Variants in PUDP observed in about 807,000 individuals in gnomAD.
PUDP encodes pseudouridine 5'-phosphatase.
A neutral mutation model predicts 9.4 loss-of-function variants in PUDP; 8 were observed. That is an observed-to-expected ratio of 0.85 (90% CI 0.50 to 1.53). The LOEUF is 1.53. Ranked by LOEUF, PUDP falls within the 40% of genes most tolerant of loss-of-function variation. PUDP has a pLI of 0.00. For synonymous variants in PUDP, 99 were observed against 80.7 expected, an observed-to-expected ratio of 1.23 and a Z score of -1.22; for missense variants, 188 against 189.7, an observed-to-expected ratio of 0.99 and a Z score of 0.05.
chrX:6,880,247 C>T (rs770872099), intron 3 of PUDP, among the ~76,000 whole-genome samples: 1 of 110,728 alleles, frequency 9.0e-6, no homozygotes, highest in South Asian at 3.9e-4. Flanking sequence ...TTTTGTCCCT[C>T]ATCCCCCTCC....
chrX:6,982,078 AATG>A (rs922399345), intron 1 of PUDP, among the ~76,000 whole-genome samples: 1 of 104,290 alleles, frequency 9.6e-6, no homozygotes, highest in Admixed American at 1.0e-4. Flanking sequence ...ACCCAAGAGA[AATG>A]ATAACTTATG....
Position 6,939,366 on chromosome X carries a change from A to G in PUDP, c.*247+37767T>C, listed in dbSNP as rs763982232. On this transcript the variant is annotated intron_variant and NMD_transcript_variant, in intron 3 of 3. Transcript: ENST00000655425. ...TATTGTAAATATAATATTTAATGCT[A>G]TATTAATATTATTAATATATATTAT... Among the ~76,000 whole-genome samples the G allele has an allele frequency of 2.8e-5, 3 of 106,632 alleles. No individual in the cohort carries two copies. In the South Asian group the frequency reaches 1.1e-3, roughly 41 times the overall value. 92.6% of individuals were successfully genotyped at this position (106,632 alleles called of 115,157 possible). A position where few individuals can be genotyped will look rare whatever the true frequency, so the allele number is the denominator to read the frequency against.
intron 1 of PUDP, among the ~76,000 whole-genome samples, chrX:7,140,023 C>T (rs1334083985): frequency 8.9e-6 from 1 of 112,093 alleles, no homozygotes; most frequent in Non-Finnish European, 1.9e-5. Context: ...GATCTATCTG[C>T]CAGACATTGC....
At chrX:6,836,274 T>C (rs773660696) in intron 3 of PUDP, among the ~76,000 whole-genome samples, 1 of 111,787 alleles carries the variant, frequency 8.9e-6, no homozygotes, top group East Asian at 2.8e-4. Context: ...TAATTTTCTA[T>C]CCCTGTTGTA....
At chrX:7,112,917 A>G (rs375499185) in intron 1 of PUDP, 1 of 111,737 alleles carries the variant, frequency 8.9e-6, no homozygotes, top group African/African-American at 3.3e-5. Context: ...CCCACTATGG[A>G]CTCCCAAAGT....
chrX:6,923,660 G>A (rs1017141682), intron 3 of PUDP, among the ~76,000 whole-genome samples: 1 of 111,111 alleles, frequency 9.0e-6, no homozygotes, highest in African/African-American at 3.3e-5. Context: ...CCAGCACCAT[G>A]GCTTCCTTGA....
At chrX:7,077,174 G>T in intron 3 of PUDP, 46 bp downstream of exon 3, 1 of 1,162,572 alleles carries the variant, frequency 8.6e-7, no homozygotes, top group Non-Finnish European at 1.1e-6. Flanking sequence ...ATTATTTGGT[G>T]GAACATGGTT....
intron 3 of PUDP, among the ~76,000 whole-genome samples, chrX:6,882,615 A>G (rs1485622040): frequency 1.8e-5 from 2 of 112,000 alleles, no homozygotes; most frequent in Non-Finnish European, 3.8e-5. Flanking sequence ...GGATCATAAC[A>G]TCAGGAGTAG....
intron 3 of PUDP, among the ~76,000 whole-genome samples, chrX:6,867,494 T>C (rs1369030931): frequency 9.2e-6 from 1 of 109,158 alleles, no homozygotes; most frequent in Non-Finnish European, 1.9e-5. Context: ...GTAGTGATGA[T>C]GGTGGTGATG....
At chrX:6,775,329 G>A (rs988310079) in intron 3 of PUDP, among the ~76,000 whole-genome samples, 1 of 111,424 alleles carries the variant, frequency 9.0e-6, no homozygotes, top group African/African-American at 3.3e-5. Flanking sequence ...TACCACATTT[G>A]TTTATCCATT....
intron 3 of PUDP, among the ~76,000 whole-genome samples, chrX:6,741,625 G>T (rs2146665190): frequency 9.0e-6 from 1 of 110,886 alleles, no homozygotes; most frequent in South Asian, 3.8e-4. Flanking sequence ...AGGTAGGTAG[G>T]TAGATAGGGA....
At chrX:6,783,367 CTATGGAG>C (rs1370097253) in intron 3 of PUDP, among the ~76,000 whole-genome samples, 4 of 111,276 alleles carry the variant, frequency 3.6e-5, no homozygotes, top group Non-Finnish European at 7.5e-5. Flanking sequence ...CCTGCTCTGT[CTATGGAG>C]TAGCTGTACT....
intron 3 of PUDP, among the ~76,000 whole-genome samples, chrX:6,926,529 C>T (rs1437380935): frequency 3.6e-5 from 4 of 112,145 alleles, no homozygotes; most frequent in Admixed American, 2.8e-4. Flanking sequence ...CTGAATGTAA[C>T]CCTTTAAAAG....
At chrX:6,882,656 ATCC>A (rs1927365796) in intron 3 of PUDP, among the ~76,000 whole-genome samples, 1 of 111,876 alleles carries the variant, frequency 8.9e-6, no homozygotes, top group Non-Finnish European at 1.9e-5. Context: ...AATAAAGAAA[ATCC>A]AACTGGGTAT....
chrX:6,816,946 T>C (rs1926254204), intron 3 of PUDP, among the ~76,000 whole-genome samples: 1 of 96,188 alleles, frequency 1.0e-5, no homozygotes, highest in Non-Finnish European at 2.0e-5. Context: ...ATATAGTATA[T>C]ACTATATGTA....
Position 6,933,978 on chromosome X carries a change from T to G in PUDP, c.*247+43155A>C, listed in dbSNP as rs1485139499. On this transcript the variant is annotated intron_variant and NMD_transcript_variant, in intron 3 of 3. Transcript: ENST00000655425. The stretch of plus-strand genomic sequence containing the variant: ...GCAAAGCCTCCAAGAAATATGGGAC[T>G]ATGTGAAAAGACCAAATCTACGTCT... Among the ~76,000 whole-genome samples the G allele has an allele frequency of 3.9e-5, 4 of 103,601 alleles. No individual in the cohort carries two copies. In the East Asian group the frequency reaches 1.2e-3, roughly 32 times the overall value. The allele number at this position is 103,601 out of a possible 115,157, so 90.0% of individuals were successfully genotyped here.
intron 2 of PUDP, among the ~76,000 whole-genome samples, chrX:7,082,454 A>G (rs1157210952): frequency 3.6e-5 from 4 of 112,196 alleles, no homozygotes; most frequent in Non-Finnish European, 7.5e-5. Context: ...TGAGCAACAG[A>G]ATCAAGTGGG....
chrX:7,057,511 TG>T (rs757302624), intron 3 of PUDP: 79 of 570,061 alleles, frequency 1.4e-4, no homozygotes, highest in Middle Eastern at 5.8e-4. Flanking sequence ...AATAGGGAAC[TG>T]GATGATACCT....
At chrX:6,733,090 C>G (rs1397443024) in intron 3 of PUDP, among the ~76,000 whole-genome samples, 2 of 112,562 alleles carry the variant, frequency 1.8e-5, no homozygotes, top group East Asian at 5.6e-4. Flanking sequence ...CCTGTGCTGA[C>G]TCCAGCCTTT....
Sources: allele counts gnomAD v4.1 joint callset (sites outside exome capture counted in the v4.1 genomes callset), GRCh38; gene constraint gnomAD v4.1.1; transcripts MANE v1.5; gene names NCBI Gene and HGNC (gene_info 2026-07-23, HGNC 2026-07-21).